Variants in FNIP2 observed in about 807,000 individuals in gnomAD.
FNIP2 encodes the protein folliculin interacting protein 2.
FNIP2 carries 32 observed loss-of-function variants against 108.7 expected under a neutral mutation model. That is an observed-to-expected ratio of 0.29 (90% CI 0.22 to 0.40). The LOEUF (loss-of-function observed/expected upper bound fraction) is 0.40, where lower values mean the gene tolerates loss of function less well. Ranked by LOEUF, FNIP2 falls within the 10% of genes least tolerant of loss-of-function variation. FNIP2 has a pLI of 1.00. For synonymous variants in FNIP2, 480 were observed against 496.7 expected, an observed-to-expected ratio of 0.97 and a Z score of 0.45; for missense variants, 1,202 against 1,381.6, an observed-to-expected ratio of 0.87 and a Z score of 2.06.
At chr4:158,875,515 G>GATATAT (rs56389652) in intron 14 of FNIP2, among the ~76,000 whole-genome samples, 30,050 of 111,128 alleles carry the variant, frequency 0.27, 5,498 homozygotes, top group East Asian at 0.59. Context: ...GCCTGGCTGT[G>GATATAT]ATATATATAT....
intron 14 of FNIP2, 47 bp from the exon 15 acceptor site, chr4:158,891,399 G>T (rs1162801178): frequency 1.3e-6 from 2 of 1,525,914 alleles, no homozygotes; most frequent in African/African-American, 1.4e-5. Flanking sequence ...TTGACCTTTT[G>T]GACTCACCTG....
rs1482906585 is a variant in FNIP2 at position 158,906,980 on chromosome 4, C to T, written c.*2436C>T. 1 of 152,146 alleles carries T rather than the reference C, an allele frequency of 6.6e-6. No individual in the cohort carries two copies. The highest frequency in any genetic ancestry group is 1.5e-5 in the Non-Finnish European group (1 of 68,028). The allele number at this position is 152,146 out of a possible 1,614,324, so 9.4% of individuals were successfully genotyped here. A position where few individuals can be genotyped will look rare whatever the true frequency, so the allele number is the denominator to read the frequency against. On this transcript the variant is annotated 3_prime_UTR_variant, in exon 17 of 17. Transcript: ENST00000264433. The stretch of plus-strand genomic sequence containing the variant: ...TTTTTAAAAAAGAAAAGAAATCTAC[C>T]TCAGTTGACAGGATTCCACCTTTAG...
intron 1 of FNIP2, among the ~76,000 whole-genome samples, chr4:158,793,232 T>C (rs1776479386): frequency 6.6e-6 from 1 of 152,236 alleles, no homozygotes; most frequent in African/African-American, 2.4e-5. Context: ...AAGGTGCAGC[T>C]GTCTGTGCAA....
At chr4:158,794,354 C>T (rs911345116) in intron 1 of FNIP2, among the ~76,000 whole-genome samples, 12 of 152,096 alleles carry the variant, frequency 7.9e-5, no homozygotes, top group Non-Finnish European at 2.9e-5. Flanking sequence ...CAGGGTCTCC[C>T]TATGTTGCCC....
intron 14 of FNIP2, among the ~76,000 whole-genome samples, chr4:158,885,810 C>G (rs79447199): frequency 0.01 from 1,529 of 152,280 alleles, 24 homozygotes; most frequent in African/African-American, 0.034. Context: ...TGGTTGTATT[C>G]AAGCCCAATC....
chr4:158,868,118 C>A lies in FNIP2; in HGVS notation c.1482C>A (p.Ala494=). The A allele has an allele frequency of 6.2e-7, 1 of 1,613,946 alleles. No homozygotes were observed. Among genetic ancestry groups the A allele is most frequent in the Non-Finnish European group, 8.5e-7 (1 of 1,179,852 alleles). Residue 494 remains alanine (A), a synonymous_variant, in exon 13 of 17, where the codon GCC becomes GCA. Coordinates refer to ENST00000264433, the MANE Select transcript of FNIP2 (RefSeq NM_020840.3). This position sits in a 1 kb window ranked among gnomAD's most constrained non-coding sequence, Gnocchi z 4.6. ...LWAQLGDLYG[A]IGSPVRLTRT... Reference sequence around the variant, plus strand: ...GCTCTCTAGGTGATCTTTACGGAGCCATAGGCTCTCCAGTGAGACTGACTC... The same window carrying A: ...GCTCTCTAGGTGATCTTTACGGAGCAATAGGCTCTCCAGTGAGACTGACTC...
At chr4:158,797,573 G>A (rs1455754513) in intron 1 of FNIP2, among the ~76,000 whole-genome samples, 1 of 152,136 alleles carries the variant, frequency 6.6e-6, no homozygotes, top group Admixed American at 6.6e-5. Context: ...GGTGGCGCAT[G>A]CCTGTAGTCC....
At chr4:158,834,761 A>G (rs550337644) in intron 6 of FNIP2, 1 of 152,308 alleles carries the variant, frequency 6.6e-6, no homozygotes, top group African/African-American at 2.4e-5. Context: ...CATTCCTAGA[A>G]GTCTGTAATA....
rs550985480 is a variant in FNIP2, at chr4:158,838,229, C to CTTTT, written c.727+2769_727+2772dup. ...TATTATTTATTCTCTTTTAGGCCTG[C>CTTTT]TTTTTTTTTTTTTTTTTTTCTGGCT... On this transcript the variant is annotated intron_variant, in intron 7 of 16. Coordinates refer to ENST00000264433, the MANE Select transcript of FNIP2 (RefSeq NM_020840.3). Among the ~76,000 whole-genome samples, 297 of 117,592 alleles carry CTTTT rather than the reference C, an allele frequency of 2.5e-3. 4 individuals carry two copies. The highest frequency in any genetic ancestry group is 4.4e-3 in the Non-Finnish European group (259 of 59,252). The allele number at this position is 117,592 out of a possible 152,430, so 77.1% of individuals were successfully genotyped here.
chr4:158,868,691 G>A lies in FNIP2; in HGVS notation c.2055G>A (p.Leu685=), dbSNP rs1780737506. The change falls in exon 13 of 17, where the codon CTG becomes CTA. Residue 685 remains leucine, a synonymous_variant. Transcript: ENST00000264433. The surrounding 1 kb of genome is among the most constrained non-coding windows in gnomAD (Gnocchi z 4.6). ...MKMDQQAVCE[L]LKVEMPTRLP... ...TGGACCAGCAAGCTGTCTGTGAGCTGTTGAAAGTGGAGATGCCTACAAGAC... is the reference window on the plus strand; with the variant it reads ...TGGACCAGCAAGCTGTCTGTGAGCTATTGAAAGTGGAGATGCCTACAAGAC... The A allele has an allele frequency of 1.2e-6, 2 of 1,614,046 alleles. No homozygotes were observed. The highest frequency in any genetic ancestry group is 8.5e-7 in the Non-Finnish European group (1 of 1,179,900).
intron 14 of FNIP2, among the ~76,000 whole-genome samples, chr4:158,874,492 CAAA>C (rs56397772): frequency 1.1e-5 from 1 of 91,442 alleles, no homozygotes; most frequent in African/African-American, 4.2e-5. Flanking sequence ...CCATCTCTAG[CAAA>C]AAAAAAAAAA....
At chr4:158,793,295 C>CA (rs1217766248) in intron 1 of FNIP2, among the ~76,000 whole-genome samples, 3 of 152,126 alleles carry the variant, frequency 2.0e-5, no homozygotes, top group African/African-American at 7.2e-5. Context: ...CCTAAATGTC[C>CA]AGATGTGAAA....
intron 8 of FNIP2, among the ~76,000 whole-genome samples, chr4:158,852,463 T>TG (rs1192960062): frequency 6.6e-6 from 1 of 152,210 alleles, no homozygotes; most frequent in African/African-American, 2.4e-5. Flanking sequence ...ATTAAAAGCT[T>TG]GGAATTTTGT....
intron 14 of FNIP2, among the ~76,000 whole-genome samples, chr4:158,884,258 C>T (rs1781893177): frequency 6.6e-6 from 1 of 152,166 alleles, no homozygotes; most frequent in African/African-American, 2.4e-5. Context: ...ATAAACTGTT[C>T]ACCACAGCTA....
At chr4:158,871,353 C>T (rs1254639211) in intron 14 of FNIP2, 9 of 977,436 alleles carry the variant, frequency 9.2e-6, no homozygotes, top group South Asian at 9.5e-5. Flanking sequence ...AAGTCCTCAT[C>T]GCATTAAGAA....
At chr4:158,872,832 C>A in intron 14 of FNIP2, 1 of 825,300 alleles carries the variant, frequency 1.2e-6, no homozygotes, top group African/African-American at 1.9e-5. Flanking sequence ...AACATTATTC[C>A]GAATTTACTG....
chr4:158,867,595 G>A (rs1049763256), intron 12 of FNIP2, among the ~76,000 whole-genome samples: 1 of 152,148 alleles, frequency 6.6e-6, no homozygotes, highest in Non-Finnish European at 1.5e-5. Flanking sequence ...GTGTGTATGC[G>A]TATTAAGATA....
chr4:158,829,748 G>A (rs1011849177), intron 3 of FNIP2, among the ~76,000 whole-genome samples: 12 of 151,824 alleles, frequency 7.9e-5, no homozygotes, highest in African/African-American at 2.7e-4. Context: ...ATAAGGATAG[G>A]GGTTAAGGTT....
Position 158,873,145 on chromosome 4 carries a change from TA to T in FNIP2, c.2949+2689del, listed in dbSNP as rs879851784. On this transcript the variant is annotated intron_variant, in intron 14 of 16. Transcript: ENST00000264433. ...CTTCATCTCAAAAATAAAATAGCGT[TA>T]AAAAAAAAAAAAGAAAAAACAAACC... is the stretch of plus-strand genomic sequence containing the variant. 5.4e-3 allele frequency among the ~76,000 whole-genome samples: 751 copies of T among 139,716 alleles called. 1 individual carries two copies. Among genetic ancestry groups the T allele is most frequent in the Middle Eastern group, 0.011 (3 of 268 alleles). The allele number at this position is 139,716 out of a possible 152,430, so 91.7% of individuals were successfully genotyped here.
Sources: gnomAD v4.1 joint callset for allele counts (sites outside exome capture counted in the v4.1 genomes callset) on GRCh38, gnomAD v4.1.1 for gene constraint, Gnocchi (gnomAD v3.1) non-coding constraint, MANE v1.5 for transcripts, NCBI Gene and HGNC (gene_info 2026-07-23, HGNC 2026-07-21) for gene names.